The following SMURF1 variants were observed in gnomAD, a reference collection of about 807,000 sequenced individuals.
SMURF1 encodes SMAD specific E3 ubiquitin protein ligase 1.
Under a neutral mutation model 98.0 loss-of-function variants are expected in SMURF1, and 44 were observed. The observed-to-expected ratio is 0.45, with a 90% confidence interval of 0.35 to 0.58. SMURF1 has a LOEUF of 0.58. Ranked by LOEUF, SMURF1 falls within the 20% of genes least tolerant of loss-of-function variation. The pLI is 0.00. For missense variants in SMURF1, 687 were observed against 938.4 expected (o/e 0.73, Z 3.50); for synonymous variants, 396 against 374.9 (o/e 1.06, Z -0.65).
At chr7:99,104,120 C>A (rs1797146739) in intron 1 of SMURF1, among the ~76,000 whole-genome samples, 1 of 152,142 alleles carries the variant, frequency 6.6e-6, no homozygotes, top group African/African-American at 2.4e-5. Context: ...CTCCTGACCT[C>A]AAGTGATCCG....
chr7:99,069,360 T>C (rs757234991), intron 1 of SMURF1, among the ~76,000 whole-genome samples: 2 of 152,124 alleles, frequency 1.3e-5, no homozygotes, highest in Non-Finnish European at 2.9e-5. Context: ...ATCCATCCAT[T>C]CATTCATTCA....
chr7:99,094,075 A>G (rs1261308398), intron 1 of SMURF1, among the ~76,000 whole-genome samples: 1 of 152,176 alleles, frequency 6.6e-6, no homozygotes, highest in Admixed American at 6.5e-5. Context: ...ATATATGGTC[A>G]AAATTAAAGT....
intron 1 of SMURF1, among the ~76,000 whole-genome samples, chr7:99,092,666 G>A (rs1300375031): frequency 6.6e-6 from 1 of 152,208 alleles, no homozygotes; most frequent in Non-Finnish European, 1.5e-5. Flanking sequence ...GTGGTGAAGT[G>A]CTATCCAGTG....
chr7:99,042,040 G>A, intron 12 of SMURF1, 78 bp downstream of exon 12: 1 of 1,147,456 alleles, frequency 8.7e-7, no homozygotes, highest in Non-Finnish European at 1.3e-6. Flanking sequence ...AATAGACCAA[G>A]GACTGAGAAT....
In SMURF1 at chr7:99,077,934, T is replaced by G. The variant is rs542106160; in HGVS notation, c.56-16097A>C. Among the ~76,000 whole-genome samples the G allele has an allele frequency of 3.9e-5, 6 of 152,312 alleles. No individual in the cohort carries two copies. In the South Asian group the frequency reaches 1.2e-3, roughly 32 times the overall value. On this transcript the variant is annotated intron_variant, in intron 1 of 17. Transcript: ENST00000361368. ...TTTTACAGAATCCTGAAAGGGCTCA[T>G]TCTATTACTCGGTTATTTGCTTCGT...
chr7:99,095,462 T>C (rs1796937644), intron 1 of SMURF1, among the ~76,000 whole-genome samples: 1 of 152,200 alleles, frequency 6.6e-6, no homozygotes, highest in Admixed American at 6.5e-5. Flanking sequence ...GATAATCTCT[T>C]AAGGTAGCAA....
chr7:99,060,643 A>G lies in SMURF1; in HGVS notation c.159T>C (p.Thr53=). The change falls in exon 3 of 18, where the codon ACT becomes ACC. Residue 53 remains threonine (T), a synonymous_variant. Coordinates refer to ENST00000361368, the MANE Select transcript of SMURF1 (RefSeq NM_181349.3). ...DGSGQCHSTD[T]VKNTLDPKWN... ...ACTTTGGGTCCAATGTGTTTTTCAC[A>G]GTGTCGGTTGAGTGGCACTGCCCAG... 6.2e-7 allele frequency: 1 copy of G among 1,614,042 alleles called. No homozygotes were observed.
In SMURF1 at chr7:99,051,456, A is replaced by G. The variant is rs1239532916; in HGVS notation, c.722-15T>C. On this transcript the variant is annotated splice_polypyrimidine_tract_variant and intron_variant, in intron 7 of 17. Coordinates refer to ENST00000361368, the MANE Select transcript of SMURF1 (RefSeq NM_181349.3). ...TGTTCTTTGTTCTACACAAGAAATT[A>G]GAGATCCAAATGAGACAAGTTCAAT... 5 of 1,603,824 alleles carry G rather than the reference A, an allele frequency of 3.1e-6. No homozygotes were observed. Among genetic ancestry groups the G allele is most frequent in the African/African-American group, 1.3e-5 (1 of 74,706 alleles).
intron 10 of SMURF1, among the ~76,000 whole-genome samples, chr7:99,046,820 CT>C (rs546017256): frequency 6.6e-6 from 1 of 151,392 alleles, no homozygotes; most frequent in African/African-American, 2.4e-5. Flanking sequence ...GAAGTCAGTA[CT>C]TCAGCGCTTT....
At chr7:99,058,677 C>A (rs1795945850) in intron 3 of SMURF1, among the ~76,000 whole-genome samples, 1 of 152,182 alleles carries the variant, frequency 6.6e-6, no homozygotes, top group South Asian at 2.1e-4. Flanking sequence ...GAATATAATT[C>A]TTAAAAATCC....
At position 99,054,125 on chromosome 7, in the gene SMURF1, GAC is replaced by G. The variant is rs574589363; in HGVS notation, c.479+663_479+664del. ...TTGTTATTTTTTATTTTTTGGTAGAGACAAAGTCTCGCTATGTTGCCCTGGCT... is the reference window on the plus strand; with the variant it reads ...TTGTTATTTTTTATTTTTTGGTAGAGAAAGTCTCGCTATGTTGCCCTGGCT... On this transcript the variant is annotated intron_variant, in intron 6 of 17. Transcript: ENST00000361368. 1.6e-3 allele frequency among the ~76,000 whole-genome samples: 237 copies of G among 152,102 alleles called. 6 individuals are homozygous for G. The highest frequency in any genetic ancestry group is 0.015 in the Admixed American group (225 of 15,258).
At chr7:99,127,977 G>T (rs116038382) in intron 1 of SMURF1, among the ~76,000 whole-genome samples, 11 of 151,998 alleles carry the variant, frequency 7.2e-5, no homozygotes, top group South Asian at 2.1e-4. Context: ...TTCAATTCAG[G>T]TTCCATTTTC....
At chr7:99,033,379 C>T (rs1184551089) in intron 16 of SMURF1, among the ~76,000 whole-genome samples, 2 of 152,208 alleles carry the variant, frequency 1.3e-5, no homozygotes, top group Non-Finnish European at 2.9e-5. Flanking sequence ...GGGGCAGTCT[C>T]GGCTCACTGC....
intron 1 of SMURF1, chr7:99,120,833 T>G: frequency 6.7e-6 from 1 of 149,236 alleles, no homozygotes; most frequent in South Asian, 2.1e-4. Context: ...AACTTTAAAA[T>G]ACAGATAAAT....
intron 1 of SMURF1, chr7:99,121,225 C>CAAAAAAA (rs550195057): frequency 4.4e-4 from 44 of 99,772 alleles, no homozygotes; most frequent in East Asian, 5.6e-4. Flanking sequence ...AGAGTCAAAG[C>CAAAAAAA]AAAAAAAAAA....
intron 13 of SMURF1, 110 bp from the exon 14 acceptor site, chr7:99,038,635 A>C: frequency 7.6e-7 from 1 of 1,318,148 alleles, no homozygotes; most frequent in Non-Finnish European, 1.0e-6. Flanking sequence ...AAGACAGGAC[A>C]GCCTCGGGCA....
At chr7:99,097,491 C>G (rs184004774) in intron 1 of SMURF1, among the ~76,000 whole-genome samples, 1 of 152,092 alleles carries the variant, frequency 6.6e-6, no homozygotes, top group Non-Finnish European at 1.5e-5. Context: ...AAAAAGGGCT[C>G]GAGGCTGTGA....
Position 99,143,714 on chromosome 7 carries a change from C to A in SMURF1, c.55+12G>T. 1.9e-6 allele frequency: 3 copies of A among 1,551,456 alleles called. No homozygotes were observed. The highest frequency in any genetic ancestry group is 2.6e-6 in the Non-Finnish European group (3 of 1,152,028). ...GGCGCCGGGGCGCGGGTGGGCCTCC[C>A]GCCGGCCGTACCTGTCAGACGGATC... On this transcript the variant is annotated intron_variant, in intron 1 of 17. Coordinates refer to ENST00000361368, the MANE Select transcript of SMURF1 (RefSeq NM_181349.3).
chr7:99,047,857 T>A lies in SMURF1; in HGVS notation c.979A>T (p.Ser327Cys). ...MNHQCQLKEP[S>C]QPLPLPSEGS... is the part of the protein sequence containing the mutation. The stretch of plus-strand genomic sequence containing the variant: ...TCACTGGGCAGTGGCAGCGGCTGGC[T>A]GGGCTCCTTGAGTTGGCACTGGTGA... The change falls in exon 10 of 18, where the codon AGC becomes TGC. Residue 327 changes from serine (S) to cysteine (C), a missense_variant. Ser to Cys is a moderately radical substitution (Grantham distance 112). This residue lies in a region of SMURF1 where 415 missense variants were observed against 508.4 expected (regional missense o/e 0.82). Coordinates refer to ENST00000361368, the MANE Select transcript of SMURF1 (RefSeq NM_181349.3). 1 of 1,614,092 alleles carries A rather than the reference T, an allele frequency of 6.2e-7. No homozygotes were observed. The highest frequency in any genetic ancestry group is 8.5e-7 in the Non-Finnish European group (1 of 1,180,040).
Sources: gnomAD v4.1 joint callset for allele counts (sites outside exome capture counted in the v4.1 genomes callset) on GRCh38, gnomAD v4.1.1 for gene constraint, gnomAD v4.1.1 regional missense constraint, MANE v1.5 for transcripts, NCBI Gene and HGNC (gene_info 2026-07-23, HGNC 2026-07-21) for gene names.